Variants in CDH23 observed in about 807,000 individuals in gnomAD.
CDH23 encodes cadherin-23.
CDH23 carries 189 observed loss-of-function variants against 317.1 expected under a neutral mutation model. The ratio of observed to expected loss-of-function variants is 0.60; its 90% confidence interval spans 0.53 to 0.67. The LOEUF (loss-of-function observed/expected upper bound fraction) is 0.67, where lower values mean the gene tolerates loss of function less well. Ranked by LOEUF, CDH23 falls within the 30% of genes least tolerant of loss-of-function variation. The pLI, the probability that CDH23 is intolerant of heterozygous loss-of-function variation, is 0.00. For synonymous variants in CDH23, 1,839 were observed against 1,876.8 expected (o/e 0.98, Z 0.52); for missense variants, 4,401 against 4,592.4 (o/e 0.96, Z 1.20).
At chr10:71,712,434 C>T (rs1866010377) in intron 27 of CDH23, 4 of 516,692 alleles carry the variant, frequency 7.7e-6, no homozygotes, top group Non-Finnish European at 1.4e-5. Context: ...CATGGGGTTG[C>T]TGTGAGGACT....
At chr10:71,612,458 C>G (rs1268638373) in intron 9 of CDH23, among the ~76,000 whole-genome samples, 2 of 152,070 alleles carry the variant, frequency 1.3e-5, no homozygotes, top group East Asian at 3.9e-4. Flanking sequence ...GTTGAAAACC[C>G]TGTTTTTCAA....
At chr10:71,622,612 T>G (rs1469565930) in intron 11 of CDH23, among the ~76,000 whole-genome samples, 1 of 152,194 alleles carries the variant, frequency 6.6e-6, no homozygotes, top group Non-Finnish European at 1.5e-5. Flanking sequence ...TGTTTCATTA[T>G]GCACGACCCC....
rs761210350 is a variant in CDH23, at chr10:71,807,929, T to C, written c.8644T>C (p.Phe2882Leu). The C allele has an allele frequency of 1.1e-4, 177 of 1,602,482 alleles. No homozygotes were observed. Among genetic ancestry groups the C allele is most frequent in the Middle Eastern group, 1.6e-4 (1 of 6,072 alleles). Residue 2882 changes from phenylalanine to leucine, a missense_variant, in exon 60 of 70, where the codon TTC (phenylalanine) becomes CTC (leucine). Phe to Leu is a conservative substitution (Grantham distance 22, BLOSUM62 0). This residue lies in a region of CDH23 where 1,144 missense variants were observed against 1,138.2 expected (regional missense o/e 1.01). Transcript: ENST00000224721. ...AGACATTGGCAACAACAGCCTTGTCTTCTACAGCATTCTGGCCATCCACTA... is the reference window on the plus strand; with the variant it reads ...AGACATTGGCAACAACAGCCTTGTCCTCTACAGCATTCTGGCCATCCACTA... Reference protein sequence around the residue: ...DADIGNNSLVFYSILAIHYFR... With the variant: ...DADIGNNSLVLYSILAIHYFR...
intron 38 of CDH23, among the ~76,000 whole-genome samples, chr10:71,757,938 C>T (rs922122143): frequency 1.3e-5 from 2 of 152,184 alleles, no homozygotes; most frequent in African/African-American, 4.8e-5. Flanking sequence ...GCTCCTTGGG[C>T]ACCAACTTCT....
At chr10:71,485,130 G>A (rs925271868) in intron 3 of CDH23, among the ~76,000 whole-genome samples, 9 of 150,238 alleles carry the variant, frequency 6.0e-5, no homozygotes, top group African/African-American at 1.7e-4. Flanking sequence ...AGGTTCAAGT[G>A]ATTCTCCTGC....
chr10:71,644,006 G>A (rs1027840180), intron 12 of CDH23, 140 bp downstream of exon 12: 38 of 652,276 alleles, frequency 5.8e-5, no homozygotes, highest in Non-Finnish European at 9.4e-5. Flanking sequence ...AGGGACCAAA[G>A]GTTCAGGGGA....
At chr10:71,734,513 G>T (rs912027610) in intron 33 of CDH23, 143 bp from the exon 34 acceptor site, 189 of 1,590,740 alleles carry the variant, frequency 1.2e-4, no homozygotes, top group Admixed American at 4.0e-4. Flanking sequence ...AGCAGGTTGG[G>T]CTAGGATGAG....
intron 3 of CDH23, among the ~76,000 whole-genome samples, chr10:71,488,173 T>A (rs952482013): frequency 6.6e-6 from 1 of 152,210 alleles, no homozygotes; most frequent in African/African-American, 2.4e-5. Flanking sequence ...TGTGGCTGAA[T>A]CTGCCAGTGA....
rs114850200 is a variant in CDH23 at position 71,530,837 on chromosome 10, C to T, written c.429+19625C>T. ...ACTTTCTAGGCATCGTTTCATTCTTCGACCACCTTGGAGGAAGGCTCATTC... is the reference window on the plus strand; with the variant it reads ...ACTTTCTAGGCATCGTTTCATTCTTTGACCACCTTGGAGGAAGGCTCATTC... On this transcript the variant is annotated intron_variant, in intron 6 of 69. Transcript: ENST00000224721. Among the ~76,000 whole-genome samples, 560 of 152,328 alleles carry T rather than the reference C, an allele frequency of 3.7e-3. 5 individuals carry two copies. The highest frequency in any genetic ancestry group is 0.011 in the African/African-American group (457 of 41,572).
chr10:71,811,007 C>A (rs944851896), intron 62 of CDH23, among the ~76,000 whole-genome samples: 3 of 140,586 alleles, frequency 2.1e-5, no homozygotes, highest in African/African-American at 5.4e-5. Flanking sequence ...TTGAACCTGG[C>A]AGGTGGAGTT....
intron 18 of CDH23, among the ~76,000 whole-genome samples, chr10:71,686,092 G>T (rs1037539769): frequency 1.3e-5 from 2 of 151,988 alleles, no homozygotes; most frequent in African/African-American, 2.4e-5. Flanking sequence ...AGTCAAACTC[G>T]GTTTGTAGAT....
chr10:71,799,226 G>A lies in CDH23; in HGVS notation c.7170G>A (p.Leu2390=). The A allele has an allele frequency of 1.9e-6, 3 of 1,613,952 alleles. No homozygotes were observed. The highest frequency in any genetic ancestry group is 2.5e-6 in the Non-Finnish European group (3 of 1,179,910). The change falls in exon 51 of 70, where the codon CTG becomes CTA. Residue 2390 remains leucine (L), a synonymous_variant. Transcript: ENST00000224721. ...PPRAAEIPVY[L]EIVDINDNNP... is the part of the protein sequence containing the mutation. ...GGGCAGCTGAGATCCCTGTCTACCT[G>A]GAAATCGTGGACATCAATGACAACA...
At chr10:71,643,092 G>T (rs1050461733) in intron 11 of CDH23, among the ~76,000 whole-genome samples, 1 of 152,238 alleles carries the variant, frequency 6.6e-6, no homozygotes, top group African/African-American at 2.4e-5. Flanking sequence ...GTCCTCGTTC[G>T]CATCATCATC....
intron 3 of CDH23, among the ~76,000 whole-genome samples, chr10:71,448,140 C>A (rs1399443811): frequency 1.3e-5 from 2 of 152,194 alleles, no homozygotes; most frequent in Non-Finnish European, 2.9e-5. Context: ...ACATCTGTGA[C>A]CTGCATGCCA....
At position 71,606,393 on chromosome 10, in the gene CDH23, T is replaced by C. The variant is rs1704366991; in HGVS notation, c.833-9111T>C. ...AGGGTATTACAGCCCCAACTGGAAT[T>C]ACTAATTGGCTGATCCCTCCTCGTG... On this transcript the variant is annotated intron_variant, in intron 9 of 69. Coordinates refer to ENST00000224721, the MANE Select transcript of CDH23 (RefSeq NM_022124.6). Among the ~76,000 whole-genome samples, 3 of 152,182 alleles carry C rather than the reference T, an allele frequency of 2.0e-5. No individual in the cohort carries two copies. In the South Asian group the frequency reaches 6.2e-4, roughly 32 times the overall value.
At position 71,791,079 on chromosome 10, in the gene CDH23, C is replaced by T. The variant is rs1263392570; in HGVS notation, c.6050-53C>T. The T allele has an allele frequency of 3.4e-6, 5 of 1,453,508 alleles. No homozygotes were observed. In the African/African-American group the frequency reaches 4.2e-5, roughly 12 times the overall value. The allele number at this position is 1,453,508 out of a possible 1,614,324, so 90.0% of individuals were successfully genotyped here. A position where few individuals can be genotyped will look rare whatever the true frequency, so the allele number is the denominator to read the frequency against. ...TCCCTGTTGGTTCTTGCCCTGTCTT[C>T]CCACCGCACCCCTTTTCTGTGTGTT... is the stretch of plus-strand genomic sequence containing the variant. On this transcript the variant is annotated intron_variant, in intron 46 of 69. Transcript: ENST00000224721.
intron 3 of CDH23, among the ~76,000 whole-genome samples, chr10:71,463,913 C>T (rs1397935473): frequency 3.3e-5 from 5 of 151,916 alleles, no homozygotes; most frequent in Non-Finnish European, 7.4e-5. Flanking sequence ...AATACCCAAT[C>T]CCTGGAGTCC....
chr10:71,427,885 G>C (rs903336249), intron 1 of CDH23, among the ~76,000 whole-genome samples: 2 of 151,654 alleles, frequency 1.3e-5, no homozygotes, highest in African/African-American at 4.9e-5. Flanking sequence ...GCTAATTTTT[G>C]TATTTTTAGT....
At chr10:71,630,386 G>T (rs1041760685) in intron 11 of CDH23, among the ~76,000 whole-genome samples, 3 of 152,180 alleles carry the variant, frequency 2.0e-5, no homozygotes, top group African/African-American at 4.8e-5. Context: ...ACCCTGAGGG[G>T]CAGGGGCCTT....
Sources: allele counts gnomAD v4.1 joint callset (sites outside exome capture counted in the v4.1 genomes callset), GRCh38; gene constraint gnomAD v4.1.1; regional missense constraint gnomAD v4.1.1; transcripts MANE v1.5; gene names NCBI Gene and HGNC (gene_info 2026-07-23, HGNC 2026-07-21).